CDHR2: variants seen among roughly 807,000 people sequenced by gnomAD.
CDHR2 encodes cadherin related family member 2.
In CDHR2, 104 loss-of-function variants were observed where a neutral mutation model predicts 138.6. The ratio of observed to expected loss-of-function variants is 0.75; its 90% CI spans 0.64 to 0.88. CDHR2 has a LOEUF of 0.88. CDHR2 is among the 40% of genes least tolerant of loss of function. The pLI is 0.00. For synonymous variants in CDHR2, 755 were observed against 742.8 expected (o/e 1.02, Z -0.27); for missense variants, 1,624 against 1,727.6 (o/e 0.94, Z 1.06).
At chr5:176,562,887 C>T (rs1047566379) in intron 1 of CDHR2, among the ~76,000 whole-genome samples, 1 of 152,130 alleles carries the variant, frequency 6.6e-6, no homozygotes, top group African/African-American at 2.4e-5. Flanking sequence ...CTTGGGGTGG[C>T]AACTTAACAT....
upstream of CDHR2, among the ~76,000 whole-genome samples, chr5:176,548,505 C>T (rs951308277): frequency 6.6e-6 from 1 of 152,108 alleles, no homozygotes; most frequent in Non-Finnish European, 1.5e-5. Flanking sequence ...TTTGGAAGGC[C>T]GAGGCAGGCG....
rs1021574664 is a variant in CDHR2 at position 176,589,347 on chromosome 5, A to G, written c.3026A>G (p.Asp1009Gly). 1 of 1,554,098 alleles carries G rather than the reference A, an allele frequency of 6.4e-7. No individual in the cohort carries two copies. Among genetic ancestry groups the G allele is most frequent in the Non-Finnish European group, 8.7e-7 (1 of 1,149,628 alleles). ...AGSIQPVTSL[D>G]STLQGTYQVT... is the part of the protein sequence containing the mutation. The stretch of plus-strand genomic sequence containing the variant: ...TTCCGCAGGCCGGTGACCAGCCTCG[A>G]CTCCACTCTCCAAGGCACCTACCAA... Residue 1009 changes from aspartate to glycine, a missense_variant, in exon 23 of 32, where the codon GAC becomes GGC. By Grantham distance (94) the Asp-to-Gly change is moderately conservative. Around this residue, in one of 3 missense-constraint regions of CDHR2, gnomAD observed 556 missense variants for 565.7 expected, o/e 0.98. Coordinates refer to ENST00000261944, the MANE Select transcript of CDHR2 (RefSeq NM_017675.6).
intron 1 of CDHR2, among the ~76,000 whole-genome samples, chr5:176,560,437 T>G (rs1363878675): frequency 6.6e-6 from 1 of 150,548 alleles, no homozygotes; most frequent in Non-Finnish European, 1.5e-5. Context: ...CAAAAAAGAA[T>G]GATTAATACA....
In CDHR2 at chr5:176,584,606, C is replaced by G; in HGVS notation, c.2325C>G (p.Asn775Lys). 2 of 1,607,016 alleles carry G rather than the reference C, an allele frequency of 1.2e-6. No homozygotes were observed. Among genetic ancestry groups the G allele is most frequent in the South Asian group, 2.2e-5 (2 of 90,516 alleles). Residue 775 changes from asparagine to lysine, a missense_variant, in exon 19 of 32, where the codon AAC becomes AAG. By Grantham distance (94) the Asn-to-Lys change is moderately conservative. This residue lies in a region of CDHR2 where 1,061 missense variants were observed against 1,136.6 expected (regional missense o/e 0.93). Coordinates refer to ENST00000261944, the MANE Select transcript of CDHR2 (RefSeq NM_017675.6). Reference sequence around the variant, plus strand: ...ATTACGAGACACAGCCCGTCTTCAACTTGACAGTGAGTGCTGAGAACCCAG... The same window carrying G: ...ATTACGAGACACAGCCCGTCTTCAAGTTGACAGTGAGTGCTGAGAACCCAG... ...SLDYETQPVFNLTVSAENPDP... is the reference protein window; with the variant it reads ...SLDYETQPVFKLTVSAENPDP...
chr5:176,560,408 T>TA lies in CDHR2; in HGVS notation c.-15-4917dup, dbSNP rs771235299. Among the ~76,000 whole-genome samples, 754 of 135,860 alleles carry TA rather than the reference T, an allele frequency of 5.5e-3. 1 individual carries two copies. The highest frequency in any genetic ancestry group is 8.3e-3 in the Non-Finnish European group (520 of 62,386). The allele number at this position is 135,860 out of a possible 152,430, so 89.1% of individuals were successfully genotyped here. A position where few individuals can be genotyped will look rare whatever the true frequency, so the allele number is the denominator to read the frequency against. On this transcript the variant is annotated intron_variant, in intron 1 of 31. Transcript: ENST00000261944. ...TAAAACTCTGTCTCAATAAATAAAT[T>TA]AAAAAAAAAAAAAGACGCCAAAAAA...
intron 28 of CDHR2, 101 bp downstream of exon 28, chr5:176,590,788 A>G: frequency 6.7e-7 from 1 of 1,493,848 alleles, no homozygotes; most frequent in African/African-American, 1.4e-5. Flanking sequence ...AGGCACAGGT[A>G]TACATGCATT....
intron 1 of CDHR2, among the ~76,000 whole-genome samples, chr5:176,563,940 G>A (rs1016893525): frequency 6.6e-6 from 1 of 152,148 alleles, no homozygotes. Context: ...AGTGGCACAC[G>A]TCTGTAATCC....
chr5:176,563,174 C>A (rs937306325), intron 1 of CDHR2, among the ~76,000 whole-genome samples: 2 of 152,078 alleles, frequency 1.3e-5, no homozygotes. Context: ...ACGGTGAAAC[C>A]CCGTCTCCAC....
chr5:176,567,146 G>A (rs1411459281), intron 3 of CDHR2: 2 of 380,814 alleles, frequency 5.3e-6, no homozygotes, highest in Non-Finnish European at 1.0e-5. Context: ...ATCCCATGGA[G>A]GCTGGAGAGG....
At chr5:176,578,149 C>A in intron 15 of CDHR2, 54 bp downstream of exon 15, 1 of 1,485,660 alleles carries the variant, frequency 6.7e-7, no homozygotes, top group South Asian at 1.2e-5. Flanking sequence ...CCAGGCCCAC[C>A]TCTCTGCCTC....
upstream of CDHR2, among the ~76,000 whole-genome samples, chr5:176,548,926 CCA>C (rs1340986815): frequency 6.6e-6 from 1 of 152,084 alleles, no homozygotes; most frequent in East Asian, 1.9e-4. Context: ...GCTGGTCTGG[CCA>C]CACAGTGTTT....
intron 3 of CDHR2, among the ~76,000 whole-genome samples, chr5:176,568,464 C>T (rs576974783): frequency 2.0e-5 from 3 of 152,358 alleles, no homozygotes; most frequent in East Asian, 1.9e-4. Flanking sequence ...GTACAGCCCC[C>T]GCCCCCTGCA....
chr5:176,581,348 C>T lies in CDHR2; in HGVS notation c.1824C>T (p.His608=), dbSNP rs571737829. 1.7e-4 allele frequency: 278 copies of T among 1,613,154 alleles called. 8 individuals carry two copies. In the South Asian group the frequency reaches 2.8e-3, roughly 16 times the overall value. The change falls in exon 17 of 32, where the codon CAC becomes CAT. Residue 608 remains histidine, a synonymous_variant. Transcript: ENST00000261944. ...EGNVSVTIQA[H]DNDEPGTNNS... ...ACCCCTGCTTACGTGCACAGGCCCA[C>T]GACAATGATGAGCCGGGCACCAACA...
chr5:176,558,961 G>A (rs1323595662), intron 1 of CDHR2, among the ~76,000 whole-genome samples: 3 of 152,176 alleles, frequency 2.0e-5, no homozygotes, highest in African/African-American at 7.2e-5. Flanking sequence ...TGGTGTCTGG[G>A]GCCTCAGCTG....
upstream of CDHR2, among the ~76,000 whole-genome samples, chr5:176,545,447 G>C (rs558320820): frequency 2.6e-5 from 4 of 152,280 alleles, no homozygotes; most frequent in East Asian, 5.8e-4. Context: ...CGGCCGAGAA[G>C]TTTTTCTGAT....
chr5:176,550,175 G>T (rs930171098), intron 1 of CDHR2, among the ~76,000 whole-genome samples: 1 of 152,248 alleles, frequency 6.6e-6, no homozygotes, highest in African/African-American at 2.4e-5. Flanking sequence ...ATGGAAACAA[G>T]TCATGGCCCG....
rs780051272 is a variant in CDHR2 at position 176,595,696 on chromosome 5, C to G, written c.*24C>G. 1.3e-6 allele frequency: 2 copies of G among 1,537,576 alleles called. No individual in the cohort carries two copies. The highest frequency in any genetic ancestry group is 8.8e-7 in the Non-Finnish European group (1 of 1,138,754). ...GACAGGGGCCCCCACTCTTCTGGAC[C>G]CCTTGAAGAGGCCCTACCACACCCT... On this transcript the variant is annotated 3_prime_UTR_variant, in exon 32 of 32. Transcript: ENST00000261944.
At chr5:176,595,191 CA>C (rs1443763831) in intron 31 of CDHR2, among the ~76,000 whole-genome samples, 1 of 152,158 alleles carries the variant, frequency 6.6e-6, no homozygotes, top group Admixed American at 6.5e-5. Context: ...CCGTGGGGTA[CA>C]GGGGGCAGGA....
At chr5:176,544,742 G>C (rs1381091651), upstream of CDHR2, among the ~76,000 whole-genome samples, 1 of 152,160 alleles carries the variant, frequency 6.6e-6, no homozygotes, top group East Asian at 1.9e-4. Flanking sequence ...CCAGCCCCGA[G>C]TTCTTTCTAG....
Sources: gnomAD v4.1 joint callset for allele counts (sites outside exome capture counted in the v4.1 genomes callset) on GRCh38, gnomAD v4.1.1 for gene constraint, gnomAD v4.1.1 regional missense constraint, MANE v1.5 for transcripts, NCBI Gene and HGNC (gene_info 2026-07-23, HGNC 2026-07-21) for gene names.